RYR2: variants seen among roughly 807,000 people sequenced by gnomAD.
The protein encoded by RYR2 is ryanodine receptor 2.
In RYR2, 227 loss-of-function variants were observed where a neutral mutation model predicts 601.1. The ratio of observed to expected loss-of-function variants is 0.38; its 90% CI spans 0.34 to 0.42. RYR2 has a LOEUF of 0.42. Ranked by LOEUF, RYR2 falls within the 10% of genes least tolerant of loss-of-function variation. The probability of loss-of-function intolerance (pLI) is 1.00; values close to 1 mark genes in which losing one functional copy is unlikely to be tolerated. For synonymous variants in RYR2, 2,223 were observed against 2,175.1 expected (o/e 1.02, Z -0.61); for missense variants, 4,646 against 6,156.5 (o/e 0.75, Z 8.21).
chr1:237,823,466 G>A (rs1011398789), intron 101 of RYR2, among the ~76,000 whole-genome samples: 3 of 152,176 alleles, frequency 2.0e-5, no homozygotes, highest in African/African-American at 7.2e-5. Context: ...AAATAAAGAT[G>A]TTCTTTGAAA....
At chr1:237,159,030 A>G (rs1481937532) in intron 1 of RYR2, among the ~76,000 whole-genome samples, 3 of 152,194 alleles carry the variant, frequency 2.0e-5, no homozygotes, top group Non-Finnish European at 4.4e-5. Flanking sequence ...GCTCACGCCT[A>G]TTACATAATC....
chr1:237,306,205 T>TAA (rs1693846939), intron 2 of RYR2, among the ~76,000 whole-genome samples: 8 of 152,294 alleles, frequency 5.3e-5, no homozygotes, highest in African/African-American at 1.9e-4. Context: ...ATTTAATAAT[T>TAA]TTCTATCTGT....
intron 1 of RYR2, among the ~76,000 whole-genome samples, chr1:237,236,406 A>G (rs1365025045): frequency 1.3e-5 from 2 of 152,210 alleles, no homozygotes; most frequent in Admixed American, 6.5e-5. Context: ...GATAAAATCT[A>G]TGTCCAAAGA....
chr1:237,321,161 C>G (rs1695593530), intron 2 of RYR2, among the ~76,000 whole-genome samples: 1 of 152,008 alleles, frequency 6.6e-6, no homozygotes, highest in African/African-American at 2.4e-5. Flanking sequence ...TTACTCATTT[C>G]TAAAGTGGGG....
chr1:237,251,192 C>CT (rs1367429908), intron 1 of RYR2, among the ~76,000 whole-genome samples: 8 of 152,132 alleles, frequency 5.3e-5, no homozygotes, highest in Non-Finnish European at 7.4e-5. Flanking sequence ...CAGATATTTA[C>CT]TTTTTTGACT....
intron 1 of RYR2, among the ~76,000 whole-genome samples, chr1:237,218,117 A>G (rs1205971284): frequency 3.9e-5 from 6 of 152,186 alleles, no homozygotes; most frequent in Non-Finnish European, 8.8e-5. Context: ...AACATCAATA[A>G]AGTTTAATAA....
chr1:237,642,166 C>G (rs1037126182), intron 47 of RYR2, among the ~76,000 whole-genome samples: 1 of 152,032 alleles, frequency 6.6e-6, no homozygotes, highest in Admixed American at 6.6e-5. Context: ...TTTTCTCTAC[C>G]CTTATTATCT....
intron 70 of RYR2, among the ~76,000 whole-genome samples, 167 bp downstream of exon 70, chr1:237,709,734 C>G (rs1424562421): frequency 6.6e-6 from 1 of 152,094 alleles, no homozygotes; most frequent in Non-Finnish European, 1.5e-5. Flanking sequence ...AAAAAAATCA[C>G]AGGGATTTTT....
At position 237,456,656 on chromosome 1, in the gene RYR2, A is replaced by G. The variant is rs572991665; in HGVS notation, c.1533A>G (p.Ala511=). 1 of 1,613,578 alleles carries G rather than the reference A, an allele frequency of 6.2e-7. No homozygotes were observed. The highest frequency in any genetic ancestry group is 2.2e-5 in the East Asian group (1 of 44,864). The change falls in exon 16 of 105, where the codon GCA becomes GCG. Residue 511 remains alanine, a synonymous_variant. Coordinates refer to ENST00000366574, the MANE Select transcript of RYR2 (RefSeq NM_001035.3). The part of the protein sequence containing the change: ...CIDRLHVYSS[A]AHFADVAGRE... ...ACCGTTTGCACGTCTACAGCAGTGC[A>G]GCACACTTTGCTGATGTTGCTGGGC... is the stretch of plus-strand genomic sequence containing the variant.
chr1:237,055,245 G>A (rs1049494667), intron 1 of RYR2, among the ~76,000 whole-genome samples: 2 of 152,162 alleles, frequency 1.3e-5, no homozygotes, highest in Non-Finnish European at 2.9e-5. Flanking sequence ...GGACTGGGGA[G>A]CCCTGAGACC....
chr1:237,599,348 T>C (rs1452552516), intron 34 of RYR2, among the ~76,000 whole-genome samples: 2 of 152,182 alleles, frequency 1.3e-5, no homozygotes, highest in Non-Finnish European at 2.9e-5. Flanking sequence ...AGTTTGTAGA[T>C]GACATGATCC....
intron 1 of RYR2, among the ~76,000 whole-genome samples, chr1:237,146,448 C>CAG (rs1047705242): frequency 2.6e-5 from 4 of 152,172 alleles, no homozygotes; most frequent in African/African-American, 7.2e-5. Flanking sequence ...ATCACTGACA[C>CAG]AGCTCTCCTG....
At chr1:237,650,324 A>G (rs1682601475) in intron 50 of RYR2, among the ~76,000 whole-genome samples, 1 of 152,140 alleles carries the variant, frequency 6.6e-6, no homozygotes. Context: ...GCTGTTGGAT[A>G]TAGCTTTTGA....
intron 1 of RYR2, among the ~76,000 whole-genome samples, chr1:237,178,800 G>A (rs1678377153): frequency 6.6e-6 from 1 of 151,866 alleles, no homozygotes; most frequent in Non-Finnish European, 1.5e-5. Context: ...GCGAGACCCT[G>A]TTTCAAAAAA....
At chr1:237,791,880 A>G in intron 93 of RYR2, 1 of 586,774 alleles carries the variant, frequency 1.7e-6, no homozygotes, top group Non-Finnish European at 3.0e-6. Flanking sequence ...ATGCATTGGA[A>G]TCCTCAGAAT....
chr1:237,452,077 T>TGTGTGTG (rs1553457209), intron 14 of RYR2, among the ~76,000 whole-genome samples: 21,293 of 74,312 alleles, frequency 0.29, 1,640 homozygotes, highest in Non-Finnish European at 0.36. Flanking sequence ...ATATAAAATT[T>TGTGTGTG]TGTGTGTGTG....
rs1433523072 is a variant in RYR2 at position 237,496,696 on chromosome 1, A to G, written c.2147A>G (p.Asn716Ser). The G allele has an allele frequency of 6.2e-7, 1 of 1,613,756 alleles. No individual in the cohort carries two copies. The highest frequency in any genetic ancestry group is 1.7e-5 in the Admixed American group (1 of 59,978). The change falls in exon 20 of 105, where the codon AAT (asparagine) becomes AGT (serine). Residue 716 changes from asparagine to serine, a missense_variant. Asn to Ser is a conservative substitution (Grantham distance 46). This residue lies in a region of RYR2 where 1,807 missense variants were observed against 2,088.1 expected (regional missense o/e 0.87). Transcript: ENST00000366574. Reference protein sequence around the residue: ...YPGGGEEWGGNGVGDDLFSYG... With the variant: ...YPGGGEEWGGSGVGDDLFSYG... ...GGAGGGGGCGAAGAGTGGGGTGGAA[A>G]TGGTGTTGGAGATGATCTCTTCTCC...
At chr1:237,489,787 A>G (rs1324753823) in intron 17 of RYR2, among the ~76,000 whole-genome samples, 1 of 152,230 alleles carries the variant, frequency 6.6e-6, no homozygotes, top group Non-Finnish European at 1.5e-5. Context: ...ATTACTGGGT[A>G]TATATCTGAA....
rs1481998485 is a variant in RYR2 at position 237,674,126 on chromosome 1, A to G, written c.8621A>G (p.Tyr2874Cys). Reference protein sequence around the residue: ...GGGNHPLLVPYDTLTAKEKAK... With the variant: ...GGGNHPLLVPCDTLTAKEKAK... Reference sequence around the variant, plus strand: ...GGAAACCATCCTCTGCTGGTGCCCTATGATACACTGACAGCCAAAGAGAAA... The same window carrying G: ...GGAAACCATCCTCTGCTGGTGCCCTGTGATACACTGACAGCCAAAGAGAAA... Residue 2874 changes from tyrosine to cysteine, a missense_variant, in exon 59 of 105, where the codon TAT (tyrosine) becomes TGT (cysteine). This residue lies in a region of RYR2 where 1,497 missense variants were observed against 1,842.6 expected (regional missense o/e 0.81). Transcript: ENST00000366574. The G allele has an allele frequency of 3.7e-6, 6 of 1,612,030 alleles. No individual in the cohort carries two copies. The highest frequency in any genetic ancestry group is 5.1e-6 in the Non-Finnish European group (6 of 1,178,318).
Sources: allele counts gnomAD v4.1 joint callset (sites outside exome capture counted in the v4.1 genomes callset), GRCh38; gene constraint gnomAD v4.1.1; regional missense constraint gnomAD v4.1.1; transcripts MANE v1.5; gene names NCBI Gene and HGNC (gene_info 2026-07-23, HGNC 2026-07-21).